PAMR1: variants seen among roughly 807,000 people sequenced by gnomAD.
The protein encoded by PAMR1 is peptidase domain containing associated with muscle regeneration 1, also known as inactive serine protease PAMR1.
Under a neutral mutation model 81.8 loss-of-function variants are expected in PAMR1, and 88 were observed. The observed-to-expected ratio is 1.08, with a 90% CI of 0.91 to 1.28. The LOEUF is 1.28. PAMR1 is among the 50% of genes most tolerant of loss of function. PAMR1 has a pLI of 0.00. For missense variants in PAMR1, 935 were observed against 919.7 expected (o/e 1.02, Z -0.21); for synonymous variants, 336 against 345.3 (o/e 0.97, Z 0.30).
At position 35,434,627 on chromosome 11, in the gene PAMR1, T is replaced by C. The variant is rs776344981; in HGVS notation, c.1511A>G (p.His504Arg). 1.2e-6 allele frequency: 2 copies of C among 1,613,992 alleles called. No individual in the cohort carries two copies. The highest frequency in any genetic ancestry group is 2.7e-5 in the African/African-American group (2 of 74,894). ...VNERTVVVAA[H>R]CVTDLGKVTM... ...GACCTTCCCCAGGTCAGTAACACAGTGGGCAGCCACCACCACAGTGCGCTC... is the reference window on the plus strand; with the variant it reads ...GACCTTCCCCAGGTCAGTAACACAGCGGGCAGCCACCACCACAGTGCGCTC... Residue 504 changes from histidine to arginine, a missense_variant, in exon 10 of 11, where the codon CAC becomes CGC. Physicochemically the swap from His to Arg is conservative, Grantham distance 29. Transcript: ENST00000619888.
intron 3 of PAMR1, among the ~76,000 whole-genome samples, chr11:35,488,866 C>G (rs767678092): frequency 4.0e-5 from 6 of 151,884 alleles, no homozygotes; most frequent in Non-Finnish European, 7.4e-5. Flanking sequence ...GCCACTGCGC[C>G]CTGCCAAATT....
intron 7 of PAMR1, among the ~76,000 whole-genome samples, chr11:35,440,729 C>T (rs1242509809): frequency 6.6e-6 from 1 of 152,192 alleles, no homozygotes; most frequent in African/African-American, 2.4e-5. Flanking sequence ...TTCTGTCCAA[C>T]CTACATATTT....
chr11:35,479,270 T>C (rs1850338597), intron 3 of PAMR1, among the ~76,000 whole-genome samples: 1 of 152,206 alleles, frequency 6.6e-6, no homozygotes, highest in Admixed American at 6.5e-5. Context: ...CAGTCTGTGA[T>C]GCCAGCCGGG....
intron 1 of PAMR1, among the ~76,000 whole-genome samples, chr11:35,496,337 A>G (rs1720944214): frequency 6.6e-6 from 1 of 152,230 alleles, no homozygotes; most frequent in Non-Finnish European, 1.5e-5. Flanking sequence ...CCACCCACAA[A>G]ATGGGAGAAA....
chr11:35,522,998 TC>T (rs1377841367), intron 1 of PAMR1, among the ~76,000 whole-genome samples: 1 of 152,228 alleles, frequency 6.6e-6, no homozygotes, highest in Admixed American at 6.5e-5. Context: ...CACTCTCAGC[TC>T]CTAAACTCCA....
chr11:35,508,516 ATTTTTT>A (rs59836040), intron 1 of PAMR1, among the ~76,000 whole-genome samples: 2 of 98,036 alleles, frequency 2.0e-5, no homozygotes, highest in African/African-American at 8.2e-5. Flanking sequence ...AGGAACCTCC[ATTTTTT>A]TTTTTTTTTT....
chr11:35,490,858 G>T (rs1045975454), intron 3 of PAMR1, among the ~76,000 whole-genome samples: 2 of 152,116 alleles, frequency 1.3e-5, no homozygotes, highest in African/African-American at 2.4e-5. Context: ...ATATTAGCAA[G>T]GTTAGATGAC....
chr11:35,466,599 C>T (rs942456511), intron 6 of PAMR1, among the ~76,000 whole-genome samples: 1 of 151,756 alleles, frequency 6.6e-6, no homozygotes, highest in East Asian at 1.9e-4. Flanking sequence ...TGGTGGCGGG[C>T]GCCTGTAGTC....
chr11:35,502,922 C>T (rs1341888279), intron 1 of PAMR1, among the ~76,000 whole-genome samples: 1 of 152,168 alleles, frequency 6.6e-6, no homozygotes, highest in African/African-American at 2.4e-5. Context: ...TTGCCCAGAT[C>T]AATGTCCTGG....
At chr11:35,466,499 G>T (rs759289668) in intron 6 of PAMR1, among the ~76,000 whole-genome samples, 19 of 152,000 alleles carry the variant, frequency 1.3e-4, no homozygotes, top group Non-Finnish European at 2.6e-4. Flanking sequence ...AGGCCGAGGC[G>T]GGTGGATCAC....
intron 6 of PAMR1, among the ~76,000 whole-genome samples, chr11:35,442,321 T>C (rs1232582599): frequency 1.3e-5 from 2 of 152,358 alleles, no homozygotes; most frequent in Middle Eastern, 6.8e-3. Flanking sequence ...TGATATTCAT[T>C]ACAGAGGTAT....
At chr11:35,507,512 T>G (rs1018969289) in intron 1 of PAMR1, among the ~76,000 whole-genome samples, 2 of 152,210 alleles carry the variant, frequency 1.3e-5, no homozygotes, top group African/African-American at 4.8e-5. Context: ...TCTGATAAAT[T>G]TCTGAATTAA....
intron 6 of PAMR1, among the ~76,000 whole-genome samples, chr11:35,450,014 G>A (rs1242799730): frequency 6.6e-6 from 1 of 151,278 alleles, no homozygotes; most frequent in African/African-American, 2.4e-5. Context: ...GGGAGCCACA[G>A]GCTAGAGCTG....
rs73446924 is a variant in PAMR1, at chr11:35,455,780, A to G, written c.820+12221T>C. Among the ~76,000 whole-genome samples the G allele has an allele frequency of 8.8e-3, 1,337 of 152,176 alleles. 16 individuals are homozygous for G. Among genetic ancestry groups the G allele is most frequent in the African/African-American group, 0.031 (1,289 of 41,520 alleles). On this transcript the variant is annotated intron_variant, in intron 6 of 10. Coordinates refer to ENST00000619888, the MANE Select transcript of PAMR1 (RefSeq NM_001001991.3). ...ATAAGCCATTAGAAGATGTTTTTCTATATGTTTAATATAGAAATTTTTTAT... is the reference window on the plus strand; with the variant it reads ...ATAAGCCATTAGAAGATGTTTTTCTGTATGTTTAATATAGAAATTTTTTAT...
intron 1 of PAMR1, among the ~76,000 whole-genome samples, chr11:35,500,581 C>T (rs1203974243): frequency 6.6e-6 from 1 of 152,224 alleles, no homozygotes; most frequent in Non-Finnish European, 1.5e-5. Context: ...GGGGCATTAG[C>T]ACCAAATCTA....
chr11:35,506,875 C>CT lies in PAMR1; in HGVS notation c.74-12604dup, dbSNP rs60325085. ...CTTAAGTTTAGAAAGTTTTTTAGTTCTTTTTTTTTTTTTTGAATAAGCTTT... is the reference window on the plus strand; with the variant it reads ...CTTAAGTTTAGAAAGTTTTTTAGTTCTTTTTTTTTTTTTTTGAATAAGCTTT... On this transcript the variant is annotated intron_variant, in intron 1 of 10. Coordinates refer to ENST00000619888, the MANE Select transcript of PAMR1 (RefSeq NM_001001991.3). 2.2e-3 allele frequency among the ~76,000 whole-genome samples: 318 copies of CT among 143,212 alleles called. 2 individuals carry two copies. The highest frequency in any genetic ancestry group is 0.014 in the Middle Eastern group (4 of 280). 94.0% of individuals were successfully genotyped at this position (143,212 alleles called of 152,430 possible).
intron 1 of PAMR1, among the ~76,000 whole-genome samples, chr11:35,497,618 T>TA (rs1012693393): frequency 1.3e-5 from 2 of 152,200 alleles, no homozygotes; most frequent in African/African-American, 2.4e-5. Context: ...CACTGGGCTT[T>TA]AATTACCCCT....
At chr11:35,486,072 T>C (rs1189645999) in intron 3 of PAMR1, among the ~76,000 whole-genome samples, 1 of 152,214 alleles carries the variant, frequency 6.6e-6, no homozygotes, top group Non-Finnish European at 1.5e-5. Flanking sequence ...GAGGTGAGGG[T>C]GATAAGAACC....
chr11:35,480,433 T>C (rs1392071713), intron 3 of PAMR1, among the ~76,000 whole-genome samples: 1 of 152,238 alleles, frequency 6.6e-6, no homozygotes, highest in East Asian at 1.9e-4. Flanking sequence ...TTAAGACTGC[T>C]AAATACTTTC....
Sources: allele counts gnomAD v4.1 joint callset (sites outside exome capture counted in the v4.1 genomes callset), GRCh38; gene constraint gnomAD v4.1.1; transcripts MANE v1.5; gene names NCBI Gene and HGNC (gene_info 2026-07-23, HGNC 2026-07-21).